Variants in VGLL3 observed in about 807,000 individuals in gnomAD.
VGLL3 encodes vestigial like family member 3, also known as transcription cofactor vestigial-like protein 3.
In VGLL3, 18 loss-of-function variants were observed where a neutral mutation model predicts 29.2. The ratio of observed to expected loss-of-function variants is 0.62; its 90% CI spans 0.43 to 0.91. The LOEUF is 0.91. VGLL3 is among the 40% of genes least tolerant of loss of function. VGLL3 has a pLI of 0.00. For synonymous variants in VGLL3, 180 were observed against 151.8 expected (o/e 1.19, Z -1.36); for missense variants, 440 against 413.2 (o/e 1.06, Z -0.56).
At chr3:86,971,471 G>A (rs1307633027) in intron 2 of VGLL3, among the ~76,000 whole-genome samples, 1 of 152,128 alleles carries the variant, frequency 6.6e-6, no homozygotes, top group Non-Finnish European at 1.5e-5. Context: ...GGAAATCTAG[G>A]AAATGGTGTT....
In VGLL3 at chr3:86,942,136, C is replaced by G. The variant is rs1013286801; in HGVS notation, c.*4888G>C. On this transcript the variant is annotated 3_prime_UTR_variant, in exon 4 of 4. Transcript: ENST00000398399. ...AACTGTAATTTCTCTCTCAAACAAG[C>G]CTTTCTTATTCTGAAAGATGTCTTT... 3 of 152,048 alleles carry G rather than the reference C, an allele frequency of 2.0e-5. No homozygotes were observed. Among genetic ancestry groups the G allele is most frequent in the Non-Finnish European group, 4.4e-5 (3 of 68,012 alleles). 9.4% of individuals were successfully genotyped at this position (152,048 alleles called of 1,614,324 possible). A position where few individuals can be genotyped will look rare whatever the true frequency, so the allele number is the denominator to read the frequency against.
chr3:86,976,683 T>C (rs781456335), intron 2 of VGLL3, among the ~76,000 whole-genome samples: 2 of 152,178 alleles, frequency 1.3e-5, no homozygotes, highest in African/African-American at 2.4e-5. Context: ...TGTTGTAGGG[T>C]TTCTGCACAT....
At chr3:86,962,588 A>G in intron 3 of VGLL3, 1 of 961,048 alleles carries the variant, frequency 1.0e-6, no homozygotes, top group African/African-American at 1.8e-5. Flanking sequence ...ATATTTTAAA[A>G]ATTGCATATA....
At chr3:86,954,022 A>G (rs945199453) in intron 3 of VGLL3, among the ~76,000 whole-genome samples, 4 of 152,252 alleles carry the variant, frequency 2.6e-5, no homozygotes, top group African/African-American at 9.6e-5. Context: ...TCATTACAAA[A>G]GATACCTAGC....
At chr3:86,961,479 C>T (rs1008704901) in intron 3 of VGLL3, among the ~76,000 whole-genome samples, 1 of 152,128 alleles carries the variant, frequency 6.6e-6, no homozygotes, top group Non-Finnish European at 1.5e-5. Context: ...AAGAGGACTA[C>T]TATGTCAGAA....
intron 2 of VGLL3, among the ~76,000 whole-genome samples, chr3:86,975,976 T>C (rs1290457752): frequency 6.6e-6 from 1 of 152,024 alleles, no homozygotes; most frequent in African/African-American, 2.4e-5. Context: ...TAGCTGGGCA[T>C]GGTGGAGGGT....
At position 86,990,654 on chromosome 3, in the gene VGLL3, T is replaced by A. The variant is rs751559609; in HGVS notation, c.90A>T (p.Thr30=). The part of the protein sequence containing the change: ...PNPMAATTCP[T]AYYQPAPQPG... Reference sequence around the variant, plus strand: ...GTTGGGGCGCCGGCTGATAGTAGGCTGTGGGGCAGGTTGTCGCTGCCATGG... The same window carrying A: ...GTTGGGGCGCCGGCTGATAGTAGGCAGTGGGGCAGGTTGTCGCTGCCATGG... The change falls in exon 1 of 4, where the codon ACA becomes ACT. Residue 30 remains threonine (T), a synonymous_variant. Transcript: ENST00000398399. 1 of 1,396,888 alleles carries A rather than the reference T, an allele frequency of 7.2e-7. No homozygotes were observed. Among genetic ancestry groups the A allele is most frequent in the Non-Finnish European group, 9.3e-7 (1 of 1,070,850 alleles). The allele number at this position is 1,396,888 out of a possible 1,614,324, so 86.5% of individuals were successfully genotyped here.
rs1364918696 is a variant in VGLL3, at chr3:86,940,698, C to T, written c.*6326G>A. ...ATGACATATGTTTTTATTACAAAGTCTTCCATCATCTTATATCATTGACAC... is the reference window on the plus strand; with the variant it reads ...ATGACATATGTTTTTATTACAAAGTTTTCCATCATCTTATATCATTGACAC... On this transcript the variant is annotated 3_prime_UTR_variant, in exon 4 of 4. Coordinates refer to ENST00000398399, the MANE Select transcript of VGLL3 (RefSeq NM_016206.4). The T allele has an allele frequency of 6.6e-6, 1 of 151,972 alleles. No individual in the cohort carries two copies. Among genetic ancestry groups the T allele is most frequent in the Non-Finnish European group, 1.5e-5 (1 of 67,928 alleles). 9.4% of individuals were successfully genotyped at this position (151,972 alleles called of 1,614,324 possible). A position where few individuals can be genotyped will look rare whatever the true frequency, so the allele number is the denominator to read the frequency against.
At chr3:86,987,587 A>G (rs1214299952) in intron 1 of VGLL3, among the ~76,000 whole-genome samples, 1 of 152,184 alleles carries the variant, frequency 6.6e-6, no homozygotes. Flanking sequence ...AGAGACTGAC[A>G]TATTAAAGCC....
At chr3:86,954,589 A>G (rs1704679654) in intron 3 of VGLL3, among the ~76,000 whole-genome samples, 1 of 152,196 alleles carries the variant, frequency 6.6e-6, no homozygotes, top group South Asian at 2.1e-4. Context: ...CCTTGTGGAC[A>G]TATATAAAAA....
intron 3 of VGLL3, 147 bp downstream of exon 3, chr3:86,968,443 A>G (rs1488189885): frequency 1.1e-6 from 1 of 920,532 alleles, no homozygotes; most frequent in Admixed American, 2.9e-5. Flanking sequence ...GCAGGAATGC[A>G]GAAATTATTG....
chr3:86,947,128 A>G, intron 3 of VGLL3, 61 bp from the exon 4 acceptor site: 2 of 777,676 alleles, frequency 2.6e-6, no homozygotes, highest in South Asian at 1.4e-5. Context: ...ACCAAAAATA[A>G]GCATAATCTG....
chr3:86,974,688 C>T (rs1275614825), intron 2 of VGLL3, among the ~76,000 whole-genome samples: 2 of 152,148 alleles, frequency 1.3e-5, no homozygotes, highest in Non-Finnish European at 2.9e-5. Flanking sequence ...TAGTCAAACA[C>T]GATTCAGTTA....
intron 3 of VGLL3, among the ~76,000 whole-genome samples, chr3:86,952,673 A>G (rs1460730066): frequency 6.6e-6 from 1 of 152,200 alleles, no homozygotes; most frequent in Non-Finnish European, 1.5e-5. Flanking sequence ...CTATTAGACT[A>G]TAAGAACCTG....
At position 86,990,908 on chromosome 3, in the gene VGLL3, G is replaced by T. The variant is rs1236398780; in HGVS notation, c.-165C>A. ...GGCCTCGGGCTCCGCGCGGGGCGCG[G>T]GGTCGGGAGGGACTGGCAATCAGCG... On this transcript the variant is annotated 5_prime_UTR_variant, in exon 1 of 4. Coordinates refer to ENST00000398399, the MANE Select transcript of VGLL3 (RefSeq NM_016206.4). 2.7e-6 allele frequency: 3 copies of T among 1,113,154 alleles called. No individual in the cohort carries two copies. The highest frequency in any genetic ancestry group is 2.2e-6 in the Non-Finnish European group (2 of 908,038). The allele number at this position is 1,113,154 out of a possible 1,614,324, so 69.0% of individuals were successfully genotyped here.
chr3:86,990,442 C>A (rs914642509), intron 1 of VGLL3, 176 bp downstream of exon 1: 1 of 978,362 alleles, frequency 1.0e-6, no homozygotes, highest in African/African-American at 1.8e-5. Flanking sequence ...CACCCGTCCA[C>A]CCTGCTGCTC....
At chr3:86,974,365 C>T (rs891632710) in intron 2 of VGLL3, among the ~76,000 whole-genome samples, 4 of 151,968 alleles carry the variant, frequency 2.6e-5, no homozygotes, top group East Asian at 1.9e-4. Context: ...GTGAACTGCC[C>T]GGCCGCGGCC....
At position 86,946,730 on chromosome 3, in the gene VGLL3, A is replaced by G. The variant is rs1161765977; in HGVS notation, c.*294T>C. The G allele has an allele frequency of 7.6e-6, 2 of 263,668 alleles. No individual in the cohort carries two copies. The highest frequency in any genetic ancestry group is 1.4e-4 in the East Asian group (2 of 14,568). 16.3% of individuals were successfully genotyped at this position (263,668 alleles called of 1,614,324 possible). A position where few individuals can be genotyped will look rare whatever the true frequency, so the allele number is the denominator to read the frequency against. On this transcript the variant is annotated 3_prime_UTR_variant, in exon 4 of 4. Coordinates refer to ENST00000398399, the MANE Select transcript of VGLL3 (RefSeq NM_016206.4). ...AGGTGGTTGGCTAAAAAAAAAAATCAAAATGAAACAAAAACTTAGCTATAT... is the reference window on the plus strand; with the variant it reads ...AGGTGGTTGGCTAAAAAAAAAAATCGAAATGAAACAAAAACTTAGCTATAT...
rs1704324821 is a variant in VGLL3 at position 86,938,544 on chromosome 3, T to A, written c.*8480A>T. The A allele has an allele frequency of 6.5e-6, 1 of 152,676 alleles. No homozygotes were observed. Among genetic ancestry groups the A allele is most frequent in the South Asian group, 2.1e-4 (1 of 4,838 alleles). The allele number at this position is 152,676 out of a possible 1,614,324, so 9.5% of individuals were successfully genotyped here. On this transcript the variant is annotated 3_prime_UTR_variant, in exon 4 of 4. Coordinates refer to ENST00000398399, the MANE Select transcript of VGLL3 (RefSeq NM_016206.4). The stretch of plus-strand genomic sequence containing the variant: ...TTGGCTCTCTGCAAATAGTCTCTTG[T>A]ACAAGTGCAAAGCAAAGATCAATGC...
Sources: gnomAD v4.1 joint callset for allele counts (sites outside exome capture counted in the v4.1 genomes callset) on GRCh38, gnomAD v4.1.1 for gene constraint, MANE v1.5 for transcripts, NCBI Gene and HGNC (gene_info 2026-07-23, HGNC 2026-07-21) for gene names.